ANKS1B: variants seen among roughly 807,000 people sequenced by gnomAD.
ANKS1B encodes the protein ankyrin repeat and sterile alpha motif domain-containing protein 1B.
In ANKS1B, 36 loss-of-function variants were observed where a neutral mutation model predicts 148.3. The observed-to-expected ratio is 0.24, with a 90% CI of 0.19 to 0.32. The LOEUF is 0.32. Among genes scored for constraint, ANKS1B ranks in the 10% least tolerant of loss-of-function variants. The pLI, the probability that ANKS1B is intolerant of heterozygous loss-of-function variation, is 1.00. For synonymous variants in ANKS1B, 542 were observed against 560.8 expected, an observed-to-expected ratio of 0.97 and a Z score of 0.47; for missense variants, 1,157 against 1,542.6, an observed-to-expected ratio of 0.75 and a Z score of 4.19.
chr12:99,611,683 G>T (rs2097903619), intron 9 of ANKS1B, among the ~76,000 whole-genome samples: 1 of 152,030 alleles, frequency 6.6e-6, no homozygotes, highest in African/African-American at 2.4e-5. Context: ...TATTTTTAAT[G>T]CCCATTTGAG....
intron 10 of ANKS1B, among the ~76,000 whole-genome samples, chr12:99,489,414 C>T (rs1379817614): frequency 6.6e-6 from 1 of 151,976 alleles, no homozygotes; most frequent in African/African-American, 2.4e-5. Context: ...ATATATTGAA[C>T]AAAATTTAGT....
chr12:99,622,695 A>G (rs568173796), intron 9 of ANKS1B, among the ~76,000 whole-genome samples: 121 of 152,176 alleles, frequency 8.0e-4, no homozygotes, highest in African/African-American at 2.8e-3. Context: ...AAATTGAATC[A>G]GGAAGAAACT....
At chr12:99,878,752 C>T (rs1295768064) in intron 1 of ANKS1B, among the ~76,000 whole-genome samples, 1 of 152,068 alleles carries the variant, frequency 6.6e-6, no homozygotes, top group East Asian at 1.9e-4. Flanking sequence ...GAGACTTCCT[C>T]ATCTGCATTT....
chr12:98,856,344 T>C (rs2099571508), intron 17 of ANKS1B, among the ~76,000 whole-genome samples: 1 of 152,200 alleles, frequency 6.6e-6, no homozygotes, highest in Admixed American at 6.5e-5. Flanking sequence ...GAGAGCTCAC[T>C]GGCTTTGATT....
At chr12:99,604,653 A>G (rs1597945601) in intron 9 of ANKS1B, among the ~76,000 whole-genome samples, 1 of 151,748 alleles carries the variant, frequency 6.6e-6, no homozygotes, top group African/African-American at 2.4e-5. Flanking sequence ...TGTCTCTACT[A>G]AAAATACAAA....
At chr12:99,119,197 G>A (rs1302210843) in intron 15 of ANKS1B, among the ~76,000 whole-genome samples, 1 of 152,128 alleles carries the variant, frequency 6.6e-6, no homozygotes, top group African/African-American at 2.4e-5. Context: ...TGGAAAGGGA[G>A]CTTTGACAGA....
chr12:99,494,929 C>G (rs1248957139), intron 10 of ANKS1B, among the ~76,000 whole-genome samples: 1 of 151,948 alleles, frequency 6.6e-6, no homozygotes, highest in Non-Finnish European at 1.5e-5. Context: ...TGCATTTAAT[C>G]ACCTAATGAA....
chr12:98,763,953 G>A (rs2098446967), intron 25 of ANKS1B, among the ~76,000 whole-genome samples: 1 of 152,166 alleles, frequency 6.6e-6, no homozygotes, highest in African/African-American at 2.4e-5. Context: ...TATATTAATA[G>A]CATTCCAGGT....
chr12:98,870,263 G>A (rs1043180582), intron 17 of ANKS1B, among the ~76,000 whole-genome samples: 13 of 152,204 alleles, frequency 8.5e-5, no homozygotes, highest in South Asian at 2.1e-4. Flanking sequence ...TGCAAATGAC[G>A]ATTCTGGTCA....
chr12:99,624,678 G>C (rs2098091538), intron 9 of ANKS1B, among the ~76,000 whole-genome samples: 1 of 152,036 alleles, frequency 6.6e-6, no homozygotes, highest in Non-Finnish European at 1.5e-5. Context: ...TCAGAGAAAT[G>C]CAAATCAAAA....
At chr12:98,768,230 A>T (rs1356769137) in intron 25 of ANKS1B, among the ~76,000 whole-genome samples, 1 of 151,924 alleles carries the variant, frequency 6.6e-6, no homozygotes, top group Non-Finnish European at 1.5e-5. Flanking sequence ...GTGTGTATAT[A>T]TTGGCTTTTT....
chr12:99,485,891 GGAT>G (rs1183462157), intron 10 of ANKS1B, among the ~76,000 whole-genome samples: 1 of 152,022 alleles, frequency 6.6e-6, no homozygotes, highest in African/African-American at 2.4e-5. Context: ...TGCTTTTTCT[GGAT>G]GATATCTATC....
intron 25 of ANKS1B, among the ~76,000 whole-genome samples, chr12:98,768,468 C>T (rs1386182110): frequency 7.5e-6 from 1 of 133,984 alleles, no homozygotes; most frequent in Non-Finnish European, 1.6e-5. Flanking sequence ...GGCACGGTGG[C>T]TCATGCCTGT....
chr12:99,217,831 A>G (rs371087173), intron 14 of ANKS1B, among the ~76,000 whole-genome samples: 1 of 152,304 alleles, frequency 6.6e-6, no homozygotes. Flanking sequence ...ATCTAAAAAG[A>G]GGTTGTATTA....
Position 99,674,674 on chromosome 12 carries a change from T to C in ANKS1B, c.1129-19464A>G, listed in dbSNP as rs188804057. ...AGTTTATGTGTCTGAAAACAAAACATGCGAATTGAAGTCTTCTGTGGGAAA... is the reference window on the plus strand; with the variant it reads ...AGTTTATGTGTCTGAAAACAAAACACGCGAATTGAAGTCTTCTGTGGGAAA... On this transcript the variant is annotated intron_variant, in intron 8 of 26. Transcript: ENST00000683438. Among the ~76,000 whole-genome samples, 283 of 151,896 alleles carry C rather than the reference T, an allele frequency of 1.9e-3. 2 individuals carry two copies. The highest frequency in any genetic ancestry group is 1.2e-3 in the South Asian group (6 of 4,824).
intron 1 of ANKS1B, 93 bp from the exon 2 acceptor site, chr12:99,825,482 G>A: frequency 1.1e-6 from 1 of 907,982 alleles, no homozygotes; most frequent in Non-Finnish European, 1.7e-6. Flanking sequence ...GTCAGCAGCA[G>A]GTTGTAGATA....
intron 11 of ANKS1B, among the ~76,000 whole-genome samples, chr12:99,421,180 G>A (rs1416472743): frequency 1.3e-5 from 2 of 152,164 alleles, no homozygotes; most frequent in Non-Finnish European, 2.9e-5. Context: ...GGATCTAACT[G>A]AAAGAAGACA....
chr12:99,792,391 C>T (rs968110765), intron 4 of ANKS1B, among the ~76,000 whole-genome samples: 1 of 151,638 alleles, frequency 6.6e-6, no homozygotes, highest in African/African-American at 2.4e-5. Flanking sequence ...ACCCATTCTA[C>T]AAGGCCAGTA....
chr12:99,916,875 G>A lies in ANKS1B; in HGVS notation c.134+67229C>T, dbSNP rs1216831614. ...ATTCATAAATTTATTTTTGTAAGTC[G>A]ACAAAATAATTATTAAAAGTGAGAG... On this transcript the variant is annotated intron_variant, in intron 1 of 26. Coordinates refer to ENST00000683438, the MANE Select transcript of ANKS1B (RefSeq NM_001352186.2). 2.0e-5 allele frequency among the ~76,000 whole-genome samples: 3 copies of A among 152,176 alleles called. No homozygotes were observed. In the East Asian group the frequency reaches 5.8e-4, roughly 29 times the overall value.
Sources: gnomAD v4.1 joint callset for allele counts (sites outside exome capture counted in the v4.1 genomes callset) on GRCh38, gnomAD v4.1.1 for gene constraint, MANE v1.5 for transcripts, NCBI Gene and HGNC (gene_info 2026-07-23, HGNC 2026-07-21) for gene names.